Variants in SASH1 observed in about 807,000 individuals in gnomAD.
SASH1 encodes SAM and SH3 domain-containing protein 1.
SASH1 carries 44 observed loss-of-function variants against 125.2 expected under a neutral mutation model. The observed-to-expected ratio is 0.35, with a 90% CI of 0.28 to 0.45. The LOEUF (loss-of-function observed/expected upper bound fraction) is 0.45. Among genes scored for constraint, SASH1 ranks in the 20% least tolerant of loss-of-function variants. The probability of loss-of-function intolerance (pLI) is 1.00; values close to 1 mark genes in which losing one functional copy is unlikely to be tolerated. For synonymous variants in SASH1, 639 were observed against 649.1 expected, an observed-to-expected ratio of 0.98 and a Z score of 0.24; for missense variants, 1,426 against 1,614.5, an observed-to-expected ratio of 0.88 and a Z score of 2.00.
intron 1 of SASH1, among the ~76,000 whole-genome samples, chr6:148,373,191 C>CA (rs990331980): frequency 2.7e-5 from 4 of 149,856 alleles, no homozygotes; most frequent in South Asian, 2.1e-4. Context: ...AACTCCGTCT[C>CA]AAAAAAAAAG....
chr6:148,490,579 G>A (rs78963487), intron 8 of SASH1, among the ~76,000 whole-genome samples: 4,435 of 152,182 alleles, frequency 0.029, 77 homozygotes, highest in Non-Finnish European at 0.044. Flanking sequence ...CTCTTTTCAC[G>A]TATTATATAG....
intron 2 of SASH1, among the ~76,000 whole-genome samples, chr6:148,411,110 G>T (rs945528172): frequency 1.5e-5 from 2 of 134,336 alleles, no homozygotes; most frequent in Admixed American, 1.7e-4. Flanking sequence ...GGTGAGCTGA[G>T]ATCGTGCCAC....
At chr6:148,507,957 G>A (rs182856702) in intron 8 of SASH1, among the ~76,000 whole-genome samples, 1 of 152,330 alleles carries the variant, frequency 6.6e-6, no homozygotes, top group Non-Finnish European at 1.5e-5. Context: ...TTTTAGTCCT[G>A]TGTTGTTTAG....
In SASH1 at chr6:148,465,261, T is replaced by C. The variant is rs187228814; in HGVS notation, c.387-3284T>C. On this transcript the variant is annotated intron_variant, in intron 4 of 19. Transcript: ENST00000367467. ...TCCATAGCAGTTAGGTCAAGACTTC[T>C]CTAGTCCTGGCCGGTCACGGTGGCT... Among the ~76,000 whole-genome samples the C allele has an allele frequency of 3.9e-3, 592 of 152,208 alleles. 3 individuals are homozygous for C. Among genetic ancestry groups the C allele is most frequent in the African/African-American group, 0.013 (557 of 41,532 alleles).
intron 8 of SASH1, chr6:148,512,455 A>G (rs1479073592): frequency 2.0e-6 from 2 of 985,074 alleles, no homozygotes; most frequent in African/African-American, 1.7e-5. Context: ...ATGTAATTCC[A>G]TGAACTGTGG....
At chr6:148,305,644 A>AAG (rs1325842897) in intron 1 of SASH1, among the ~76,000 whole-genome samples, 1 of 148,810 alleles carries the variant, frequency 6.7e-6, no homozygotes, top group Non-Finnish European at 1.5e-5. Flanking sequence ...AAAAAAAAAA[A>AAG]GAAAGAAAGA....
chr6:148,533,054 G>A lies in SASH1; in HGVS notation c.1734+88G>A. ...TTTCCTCCTCACTGTTGAATGCTGG[G>A]CTACTATGGTACAGACTGGACAGTA... is the stretch of plus-strand genomic sequence containing the variant. On this transcript the variant is annotated intron_variant, in intron 14 of 19. Coordinates refer to ENST00000367467, the MANE Select transcript of SASH1 (RefSeq NM_015278.5). This position sits in a 1 kb window ranked among gnomAD's most constrained non-coding sequence, Gnocchi z 6.2. 7.1e-7 allele frequency: 1 copy of A among 1,409,560 alleles called. No homozygotes were observed. The highest frequency in any genetic ancestry group is 9.9e-7 in the Non-Finnish European group (1 of 1,006,800). The allele number at this position is 1,409,560 out of a possible 1,614,324, so 87.3% of individuals were successfully genotyped here. A position where few individuals can be genotyped will look rare whatever the true frequency, so the allele number is the denominator to read the frequency against.
chr6:148,225,881 A>C, the SASH1 span, among the ~76,000 whole-genome samples: 4 of 152,246 alleles, frequency 2.6e-5, no homozygotes, highest in African/African-American at 9.6e-5. Flanking sequence ...CAAATGAGAA[A>C]CAGCAAATAT....
intron 1 of SASH1, among the ~76,000 whole-genome samples, chr6:148,313,320 C>T (rs576401465): frequency 6.6e-6 from 1 of 152,254 alleles, no homozygotes; most frequent in African/African-American, 2.4e-5. Context: ...CTTGGCTGCA[C>T]TTTTCCTTCA....
At chr6:148,410,958 G>A (rs1025156342) in intron 2 of SASH1, among the ~76,000 whole-genome samples, 3 of 151,958 alleles carry the variant, frequency 2.0e-5, no homozygotes, top group Non-Finnish European at 4.4e-5. Context: ...TTAGGAGTTC[G>A]AGACCAGCCT....
intron 1 of SASH1, among the ~76,000 whole-genome samples, chr6:148,349,625 C>T (rs1252474065): frequency 6.6e-6 from 1 of 152,016 alleles, no homozygotes; most frequent in Admixed American, 6.6e-5. Flanking sequence ...AAGGAGACTA[C>T]TTTAGTGACC....
At chr6:148,325,689 G>A (rs74599519) in intron 1 of SASH1, among the ~76,000 whole-genome samples, 1 of 152,226 alleles carries the variant, frequency 6.6e-6, no homozygotes, top group South Asian at 2.1e-4. Flanking sequence ...CACACGACAC[G>A]TGGGGATTAT....
intron 2 of SASH1, among the ~76,000 whole-genome samples, chr6:148,413,175 A>G (rs2114915738): frequency 6.6e-6 from 1 of 152,330 alleles, no homozygotes; most frequent in South Asian, 2.1e-4. Context: ...ATAATGTGGA[A>G]GCTTTAAATG....
chr6:148,434,137 C>T (rs973840283), intron 2 of SASH1, among the ~76,000 whole-genome samples: 6 of 126,068 alleles, frequency 4.8e-5, no homozygotes, highest in South Asian at 4.9e-4. Flanking sequence ...AGTGCAGTGG[C>T]GCAATCTTGG....
At chr6:148,333,770 A>G (rs1162535397) in intron 1 of SASH1, among the ~76,000 whole-genome samples, 3 of 151,894 alleles carry the variant, frequency 2.0e-5, no homozygotes, top group African/African-American at 7.3e-5. Flanking sequence ...CATGTTGGTC[A>G]GGCTGGTCTC....
At chr6:148,407,548 T>C (rs1784425553) in intron 2 of SASH1, among the ~76,000 whole-genome samples, 1 of 152,214 alleles carries the variant, frequency 6.6e-6, no homozygotes, top group Non-Finnish European at 1.5e-5. Flanking sequence ...AGTGTACAAA[T>C]AGCTCTTCAA....
chr6:148,486,936 A>AATATATAT (rs68036618), intron 7 of SASH1, among the ~76,000 whole-genome samples: 8 of 62,038 alleles, frequency 1.3e-4, no homozygotes, highest in Admixed American at 2.1e-4. Flanking sequence ...AACAACAACA[A>AATATATAT]ATATATATAT....
At position 148,446,338 on chromosome 6, in the gene SASH1, G is replaced by C. The variant is rs370109200; in HGVS notation, c.386+5931G>C. ...TTAGCCAGGATGGTCTTGATCTCCTGACCTCATGATCCGCCCGCCTTGGCC... is the reference window on the plus strand; with the variant it reads ...TTAGCCAGGATGGTCTTGATCTCCTCACCTCATGATCCGCCCGCCTTGGCC... On this transcript the variant is annotated intron_variant, in intron 4 of 19. Transcript: ENST00000367467. 3.9e-5 allele frequency among the ~76,000 whole-genome samples: 6 copies of C among 152,082 alleles called. No homozygotes were observed. In the East Asian group the frequency reaches 9.7e-4, roughly 25 times the overall value.
chr6:148,387,503 CTCTT>C (rs139066981), intron 1 of SASH1, among the ~76,000 whole-genome samples: 4,016 of 147,554 alleles, frequency 0.027, 204 homozygotes, highest in East Asian at 0.17. Flanking sequence ...TCTCTTCTCT[CTCTT>C]TCTTTTTCCT....
Sources: allele counts gnomAD v4.1 joint callset (sites outside exome capture counted in the v4.1 genomes callset), GRCh38; gene constraint gnomAD v4.1.1; non-coding constraint Gnocchi (gnomAD v3.1); transcripts MANE v1.5; gene names NCBI Gene and HGNC (gene_info 2026-07-23, HGNC 2026-07-21).